Variants in GALNT15 observed in about 807,000 individuals in gnomAD.
GALNT15 encodes polypeptide N-acetylgalactosaminyltransferase 15.
Under a neutral mutation model 66.8 loss-of-function variants are expected in GALNT15, and 67 were observed. The observed-to-expected ratio is 1.00, with a 90% CI of 0.82 to 1.23. The LOEUF (loss-of-function observed/expected upper bound fraction) is 1.23. GALNT15 is among the 50% of genes most tolerant of loss of function. The pLI is 0.00. For synonymous variants in GALNT15, 313 were observed against 311.5 expected (o/e 1.00, Z -0.05); for missense variants, 827 against 804.3 (o/e 1.03, Z -0.34).
At chr3:16,194,556 A>G (rs898898150) in intron 1 of GALNT15, among the ~76,000 whole-genome samples, 10 of 152,236 alleles carry the variant, frequency 6.6e-5, no homozygotes, top group Admixed American at 1.3e-4. Context: ...CACTATTCAT[A>G]GTAGTGAAGT....
At position 16,180,471 on chromosome 3, in the gene GALNT15, C is replaced by T. The variant is rs1385008145; in HGVS notation, c.539+4781C>T. ...TTTTCAACAGTGAGGAGTTACACCA[C>T]GACTTCCCAAAAGTATGTGCACACC... On this transcript the variant is annotated intron_variant, in intron 1 of 9. Coordinates refer to ENST00000339732, the MANE Select transcript of GALNT15 (RefSeq NM_054110.5). The surrounding 1 kb of genome is among the most constrained non-coding windows in gnomAD (Gnocchi z 5.0). Among the ~76,000 whole-genome samples the T allele has an allele frequency of 2.0e-5, 3 of 152,302 alleles. No individual in the cohort carries two copies. Among genetic ancestry groups the T allele is most frequent in the East Asian group, 3.9e-4 (2 of 5,184 alleles).
chr3:16,217,363 GCTC>G (rs1308480862), intron 6 of GALNT15, among the ~76,000 whole-genome samples: 4 of 152,128 alleles, frequency 2.6e-5, no homozygotes, highest in Non-Finnish European at 4.4e-5. Context: ...TTAGCAGAGG[GCTC>G]CTTTTATTTC....
rs1351497227 is a variant in GALNT15, at chr3:16,174,855, G to A, written c.-297G>A. The A allele has an allele frequency of 9.9e-6, 4 of 406,038 alleles. No homozygotes were observed. Among genetic ancestry groups the A allele is most frequent in the African/African-American group, 7.9e-5 (4 of 50,568 alleles). 25.2% of individuals were successfully genotyped at this position (406,038 alleles called of 1,614,324 possible). ...ATTTTTTTCCCAAGGAGAAAACCGG[G>A]GTAAAGGGAGGGAAGCAATTCAATT... On this transcript the variant is annotated 5_prime_UTR_variant, in exon 1 of 10. Coordinates refer to ENST00000339732, the MANE Select transcript of GALNT15 (RefSeq NM_054110.5). The surrounding 1 kb of genome is among the most constrained non-coding windows in gnomAD (Gnocchi z 4.7).
chr3:16,177,305 G>C (rs1328785083), intron 1 of GALNT15, among the ~76,000 whole-genome samples: 2 of 152,188 alleles, frequency 1.3e-5, no homozygotes, highest in Non-Finnish European at 2.9e-5. Context: ...AAATAATATT[G>C]CCTGAAACGA....
chr3:16,206,915 G>A (rs1314234640), intron 3 of GALNT15, among the ~76,000 whole-genome samples: 1 of 152,108 alleles, frequency 6.6e-6, no homozygotes, highest in Non-Finnish European at 1.5e-5. Context: ...TCATTACACA[G>A]TAAGTGGAGG....
Position 16,212,763 on chromosome 3 carries a change from G to C in GALNT15, c.1392G>C (p.Lys464Asn), listed in dbSNP as rs780795013. The change falls in exon 6 of 10, where the codon AAG becomes AAC. Residue 464 changes from lysine to asparagine, a missense_variant and splice_region_variant. Coordinates refer to ENST00000339732, the MANE Select transcript of GALNT15 (RefSeq NM_054110.5). ...KHSPEAFSLS[K>N]AEKPDCMERL... ...GCCCAGAGGCCTTCTCCTTGAGCAAGGTAAGGAGAGAGCCAAGTGGGGCTT... is the reference window on the plus strand; with the variant it reads ...GCCCAGAGGCCTTCTCCTTGAGCAACGTAAGGAGAGAGCCAAGTGGGGCTT... 1 of 1,611,612 alleles carries C rather than the reference G, an allele frequency of 6.2e-7. No homozygotes were observed. Among genetic ancestry groups the C allele is most frequent in the African/African-American group, 1.3e-5 (1 of 74,852 alleles).
chr3:16,185,567 A>G (rs112282141), intron 1 of GALNT15, among the ~76,000 whole-genome samples: 1 of 152,236 alleles, frequency 6.6e-6, no homozygotes, highest in African/African-American at 2.4e-5. Context: ...AAGGCAGCCA[A>G]GACTGAGGGG....
rs1469966089 is a variant in GALNT15, at chr3:16,195,663, G to A, written c.540-97G>A. The A allele has an allele frequency of 3.7e-6, 4 of 1,083,976 alleles. No individual in the cohort carries two copies. In the African/African-American group the frequency reaches 6.3e-5, roughly 17 times the overall value. 67.1% of individuals were successfully genotyped at this position (1,083,976 alleles called of 1,614,324 possible). A position where few individuals can be genotyped will look rare whatever the true frequency, so the allele number is the denominator to read the frequency against. The stretch of plus-strand genomic sequence containing the variant: ...TCCCATAGGACAGCCATATAATGGG[G>A]GCAGCTCCAGCCAGAGCAAAGGAAG... On this transcript the variant is annotated intron_variant, in intron 1 of 9. Transcript: ENST00000339732. This position sits in a 1 kb window ranked among gnomAD's most constrained non-coding sequence, Gnocchi z 4.6.
In GALNT15 at chr3:16,195,384, T is replaced by G. The variant is rs545077543; in HGVS notation, c.540-376T>G. Among the ~76,000 whole-genome samples, 35 of 152,318 alleles carry G rather than the reference T, an allele frequency of 2.3e-4. No individual in the cohort carries two copies. Among genetic ancestry groups the G allele is most frequent in the African/African-American group, 7.5e-4 (31 of 41,582 alleles). The stretch of plus-strand genomic sequence containing the variant: ...CTGGGGGTGGGCCCTGCAGTCAGTA[T>G]TTTAAAAATCCCACCAGGTGATTCT... On this transcript the variant is annotated intron_variant, in intron 1 of 9. Transcript: ENST00000339732. This position sits in a 1 kb window ranked among gnomAD's most constrained non-coding sequence, Gnocchi z 4.6.
rs2124846739 is a variant in GALNT15, at chr3:16,186,723, C to A, written c.540-9037C>A. On this transcript the variant is annotated intron_variant, in intron 1 of 9. Transcript: ENST00000339732. The surrounding 1 kb of genome is among the most constrained non-coding windows in gnomAD (Gnocchi z 5.1). ...TGTCATTTCATTCATATGAAGTGTC[C>A]AAAGTAGGCAAGTCTGTAAAGACAG... 6.6e-6 allele frequency among the ~76,000 whole-genome samples: 1 copy of A among 152,140 alleles called. No individual in the cohort carries two copies. The highest frequency in any genetic ancestry group is 2.4e-5 in the African/African-American group (1 of 41,500).
chr3:16,242,019 C>T, the GALNT15 span, among the ~76,000 whole-genome samples: 3 of 152,216 alleles, frequency 2.0e-5, no homozygotes, highest in Admixed American at 2.0e-4. The surrounding 1 kb of genome is among the most constrained non-coding windows in gnomAD (Gnocchi z 5.6). Context: ...GGGCCCTCCC[C>T]TCTCCATATA....
At position 16,200,453 on chromosome 3, in the gene GALNT15, A is replaced by T. The variant is rs79184660; in HGVS notation, c.707-166A>T. On this transcript the variant is annotated intron_variant, in intron 2 of 9. Coordinates refer to ENST00000339732, the MANE Select transcript of GALNT15 (RefSeq NM_054110.5). The surrounding 1 kb of genome is among the most constrained non-coding windows in gnomAD (Gnocchi z 4.4). ...ATCATGGCCCACCCCAACCTAACCAAGCATCTTACATCTCAGCAACAACCA... is the reference window on the plus strand; with the variant it reads ...ATCATGGCCCACCCCAACCTAACCATGCATCTTACATCTCAGCAACAACCA... 2.6e-5 allele frequency among the ~76,000 whole-genome samples: 4 copies of T among 152,286 alleles called. No individual in the cohort carries two copies. In the East Asian group the frequency reaches 7.7e-4, roughly 29 times the overall value.
In GALNT15 at chr3:16,203,541, T is replaced by TCACACA. The variant is rs1313366291; in HGVS notation, c.911+2719_911+2720insACACAC. On this transcript the variant is annotated intron_variant, in intron 3 of 9. Transcript: ENST00000339732. The surrounding 1 kb of genome is among the most constrained non-coding windows in gnomAD (Gnocchi z 6.2). ...CTCATTCTCTCTCTCTCTCTCTCTC[T>TCACACA]CTCACACACACACACACACACACAC... 4.9e-3 allele frequency among the ~76,000 whole-genome samples: 289 copies of TCACACA among 58,614 alleles called. 1 individual carries two copies. The highest frequency in any genetic ancestry group is 0.013 in the African/African-American group (247 of 18,788). The allele number at this position is 58,614 out of a possible 152,430, so 38.5% of individuals were successfully genotyped here. A position where few individuals can be genotyped will look rare whatever the true frequency, so the allele number is the denominator to read the frequency against.
chr3:16,221,011 A>G (rs1276742191), intron 8 of GALNT15, among the ~76,000 whole-genome samples: 1 of 152,338 alleles, frequency 6.6e-6, no homozygotes, highest in Middle Eastern at 3.4e-3. Flanking sequence ...GCCACATGGT[A>G]GGGTGAAAAT....
intron 8 of GALNT15, among the ~76,000 whole-genome samples, chr3:16,222,116 T>C (rs1033086474): frequency 2.6e-5 from 4 of 152,146 alleles, no homozygotes; most frequent in African/African-American, 9.7e-5. Flanking sequence ...CATCACAAGA[T>C]CCTCACAGTT....
Position 16,180,916 on chromosome 3 carries a change from A to T in GALNT15, c.539+5226A>T, listed in dbSNP as rs1037051796. Among the ~76,000 whole-genome samples, 2 of 152,190 alleles carry T rather than the reference A, an allele frequency of 1.3e-5. No individual in the cohort carries two copies. Among genetic ancestry groups the T allele is most frequent in the African/African-American group, 4.8e-5 (2 of 41,452 alleles). ...TCCTGGTACCACCTGTTACTGTGTG[A>T]CCTTGTACAAGTCACTCAACCTCTC... On this transcript the variant is annotated intron_variant, in intron 1 of 9. Coordinates refer to ENST00000339732, the MANE Select transcript of GALNT15 (RefSeq NM_054110.5). The surrounding 1 kb of genome is among the most constrained non-coding windows in gnomAD (Gnocchi z 5.0).
rs1333049565 is a variant in GALNT15, at chr3:16,187,814, C to T, written c.540-7946C>T. 6.6e-6 allele frequency among the ~76,000 whole-genome samples: 1 copy of T among 152,172 alleles called. No individual in the cohort carries two copies. On this transcript the variant is annotated intron_variant, in intron 1 of 9. Coordinates refer to ENST00000339732, the MANE Select transcript of GALNT15 (RefSeq NM_054110.5). The surrounding 1 kb of genome is among the most constrained non-coding windows in gnomAD (Gnocchi z 5.1). ...CTTGTAATAATTCATGCTGCTAAAG[C>T]ACAGCACCTGGTACATAGGACTCCT...
chr3:16,192,055 A>C (rs114293504), intron 1 of GALNT15, among the ~76,000 whole-genome samples: 66 of 152,328 alleles, frequency 4.3e-4, no homozygotes, highest in African/African-American at 1.5e-3. Flanking sequence ...TTACCTTCCA[A>C]ATGAGGAAAC....
Position 16,224,650 on chromosome 3 carries a change from TTTA to T in GALNT15, c.1773+1893_1773+1895del, listed in dbSNP as rs2063986026. On this transcript the variant is annotated intron_variant, in intron 9 of 9. Coordinates refer to ENST00000339732, the MANE Select transcript of GALNT15 (RefSeq NM_054110.5). This position sits in a 1 kb window ranked among gnomAD's most constrained non-coding sequence, Gnocchi z 5.2. ...GGCTATTCTTTTTTTTTTTTTTTTT[TTTA>T]AAGAGGGAGTTTCGCTCTTGTTGCC... Among the ~76,000 whole-genome samples, 3 of 141,406 alleles carry T rather than the reference TTTA, an allele frequency of 2.1e-5. No homozygotes were observed. The highest frequency in any genetic ancestry group is 5.4e-5 in the African/African-American group (2 of 36,972). The allele number at this position is 141,406 out of a possible 152,430, so 92.8% of individuals were successfully genotyped here. A position where few individuals can be genotyped will look rare whatever the true frequency, so the allele number is the denominator to read the frequency against.
Sources: allele counts gnomAD v4.1 joint callset (sites outside exome capture counted in the v4.1 genomes callset), GRCh38; gene constraint gnomAD v4.1.1; non-coding constraint Gnocchi (gnomAD v3.1); transcripts MANE v1.5; gene names NCBI Gene and HGNC (gene_info 2026-07-23, HGNC 2026-07-21).